DDIAS: variants seen among roughly 807,000 people sequenced by gnomAD.
The protein encoded by DDIAS is DNA damage induced apoptosis suppressor.
In DDIAS, 14 loss-of-function variants were observed where a neutral mutation model predicts 15.7. That is an observed-to-expected ratio of 0.89 (90% CI 0.59 to 1.39). DDIAS has a LOEUF of 1.39. DDIAS is among the 40% of genes most tolerant of loss of function. The pLI is 0.00. For missense variants in DDIAS, 1,035 were observed against 1,130.9 expected (o/e 0.92, Z 1.22); for synonymous variants, 355 against 395.9 (o/e 0.90, Z 1.23).
intron 5 of DDIAS, 107 bp downstream of exon 5, chr11:82,930,381 G>A: frequency 1.3e-6 from 1 of 787,544 alleles, no homozygotes; most frequent in Admixed American, 2.9e-5. Flanking sequence ...GTGAAGGCCT[G>A]TAGAAACACT....
At chr11:82,907,690 C>T (rs2121315356) in intron 1 of DDIAS, among the ~76,000 whole-genome samples, 1 of 152,320 alleles carries the variant, frequency 6.6e-6, no homozygotes, top group East Asian at 1.9e-4. Flanking sequence ...CAAGCATGCA[C>T]CACCATGCCC....
rs200694991 is a variant in DDIAS at position 82,928,955 on chromosome 11, C to T, written c.275+17C>T. 1.9e-5 allele frequency: 30 copies of T among 1,590,136 alleles called. No individual in the cohort carries two copies. The highest frequency in any genetic ancestry group is 2.5e-5 in the Non-Finnish European group (29 of 1,173,856). ...TTTGCACAGGTAAGAATACTTAAAA[C>T]ATCCTTTTTCCTGACTGCCCTTAGA... On this transcript the variant is annotated intron_variant, in intron 4 of 5. Transcript: ENST00000533655.
At chr11:82,927,547 T>A (rs1860887803) in intron 3 of DDIAS, among the ~76,000 whole-genome samples, 1 of 151,184 alleles carries the variant, frequency 6.6e-6, no homozygotes, top group Non-Finnish European at 1.5e-5. Flanking sequence ...CACTCTTTTT[T>A]AAGATCTTTA....
rs146412506 is a variant in DDIAS, at chr11:82,913,510, G to T, written c.-17+124G>T. The stretch of plus-strand genomic sequence containing the variant: ...TCCCCCCACCTCAGTCTCTGAAAGT[G>T]CTGAGATTACAGACATAAGCCACCA... On this transcript the variant is annotated intron_variant, in intron 2 of 5. Transcript: ENST00000533655. 5.2e-3 allele frequency: 1,391 copies of T among 265,334 alleles called. 57 individuals carry two copies. In the Admixed American group the frequency reaches 0.07, roughly 13 times the overall value. The allele number at this position is 265,334 out of a possible 1,614,324, so 16.4% of individuals were successfully genotyped here. A position where few individuals can be genotyped will look rare whatever the true frequency, so the allele number is the denominator to read the frequency against.
Position 82,931,771 on chromosome 11 carries a change from A to G in DDIAS, c.433A>G (p.Asn145Asp), listed in dbSNP as rs767105551. 2 of 1,608,802 alleles carry G rather than the reference A, an allele frequency of 1.2e-6. No individual in the cohort carries two copies. Residue 145 changes from asparagine to aspartate, a missense_variant, in exon 6 of 6, where the codon AAC becomes GAC. Transcript: ENST00000533655. ...ACCTGGACAAGGTTCAGATGCCAGT[A>G]ACTTCTTACAGCAATGCTCTGACCA... ...NQPGQGSDAS[N>D]FLQQCSDHKR...
Position 82,925,143 on chromosome 11 carries a change from CTCT to C in DDIAS, c.114-3629_114-3627del, listed in dbSNP as rs749963219. 2.6e-5 allele frequency among the ~76,000 whole-genome samples: 4 copies of C among 152,258 alleles called. No homozygotes were observed. The South Asian group carries it at 6.2e-4, about 24-fold the overall frequency. On this transcript the variant is annotated intron_variant, in intron 3 of 5. Transcript: ENST00000533655. ...TTGCAAAATGTAAAACAATGCTGGT[CTCT>C]TCTTACTAATTTTTAAAATTTGAAA...
chr11:82,903,236 A>G (rs1565241428), intron 1 of DDIAS, among the ~76,000 whole-genome samples: 1 of 152,240 alleles, frequency 6.6e-6, no homozygotes, highest in East Asian at 1.9e-4. Flanking sequence ...CACCATAAAC[A>G]GGAGATAATG....
rs779156068 is a variant in DDIAS at position 82,934,143 on chromosome 11, T to C, written c.2805T>C (p.His935=). The change falls in exon 6 of 6, where the codon CAT becomes CAC. Residue 935 remains histidine (H), a synonymous_variant. Coordinates refer to ENST00000533655, the MANE Select transcript of DDIAS (RefSeq NM_145018.4). ...LAAVVTKKKT[H]KYNCKSSGWI... is the part of the protein sequence containing the mutation. ...CAGTTGTTACGAAAAAGAAAACTCATAAATATAACTGTAAAAGTTCAGGCT... is the reference window on the plus strand; with the variant it reads ...CAGTTGTTACGAAAAAGAAAACTCACAAATATAACTGTAAAAGTTCAGGCT... 9 of 1,611,908 alleles carry C rather than the reference T, an allele frequency of 5.6e-6. No individual in the cohort carries two copies. The East Asian group carries it at 1.3e-4, about 24-fold the overall frequency.
Position 82,932,228 on chromosome 11 carries a change from GC to G in DDIAS, c.892del (p.Val299PhefsTer24). 1 of 1,613,782 alleles carries G rather than the reference GC, an allele frequency of 6.2e-7. No individual in the cohort carries two copies. The highest frequency in any genetic ancestry group is 8.5e-7 in the Non-Finnish European group (1 of 1,179,924). Reference protein sequence around the residue: ...SCHDPIQDSWSLVSYMDKKST... With the variant: ...SCHDPIQDSWXLVSYMDKKST... Reference sequence around the variant, plus strand: ...CATGATCCCATTCAGGATTCATGGAGCCTTGTTTCATATATGGATAAAAAGA... The same window carrying G: ...CATGATCCCATTCAGGATTCATGGAGCTTGTTTCATATATGGATAAAAAGA... On this transcript the variant is annotated frameshift_variant, in exon 6 of 6. Transcript: ENST00000533655. LOFTEE classifies it low-confidence loss of function (END_TRUNC).
intron 1 of DDIAS, among the ~76,000 whole-genome samples, chr11:82,912,803 T>C (rs1202045423): frequency 6.6e-6 from 1 of 152,222 alleles, no homozygotes; most frequent in African/African-American, 2.4e-5. Context: ...GTTTCTGTCT[T>C]TTATTTTAAA....
chr11:82,926,596 G>A (rs946099794), intron 3 of DDIAS, among the ~76,000 whole-genome samples: 3 of 152,268 alleles, frequency 2.0e-5, no homozygotes, highest in Admixed American at 2.0e-4. Flanking sequence ...CTATATCCTT[G>A]TTTCTCAAAG....
intron 1 of DDIAS, among the ~76,000 whole-genome samples, chr11:82,912,044 C>T (rs1201189008): frequency 6.6e-6 from 1 of 152,154 alleles, no homozygotes; most frequent in Non-Finnish European, 1.5e-5. Context: ...GATGTGCTGT[C>T]ATCCAGGCTT....
intron 3 of DDIAS, among the ~76,000 whole-genome samples, chr11:82,923,361 T>C (rs1345373859): frequency 6.6e-6 from 1 of 152,250 alleles, no homozygotes; most frequent in Non-Finnish European, 1.5e-5. Context: ...CAGAAATTCC[T>C]CATGTTCATT....
chr11:82,914,386 T>C (rs1177848458), intron 2 of DDIAS, among the ~76,000 whole-genome samples: 1 of 152,244 alleles, frequency 6.6e-6, no homozygotes, highest in Non-Finnish European at 1.5e-5. Flanking sequence ...GGTAGTTTCC[T>C]TTGTATTGAT....
At position 82,934,551 on chromosome 11, in the gene DDIAS, C is replaced by A; in HGVS notation, c.*216C>A. ...ATGATTAGGTAGTTGAGCACTTTAT[C>A]TTATACTGTTTATTGTACTTTAATA... On this transcript the variant is annotated 3_prime_UTR_variant, in exon 6 of 6. Transcript: ENST00000533655. The A allele has an allele frequency of 2.2e-6, 1 of 448,852 alleles. No homozygotes were observed. Among genetic ancestry groups the A allele is most frequent in the Non-Finnish European group, 3.9e-6 (1 of 258,368 alleles). The allele number at this position is 448,852 out of a possible 1,614,324, so 27.8% of individuals were successfully genotyped here. A position where few individuals can be genotyped will look rare whatever the true frequency, so the allele number is the denominator to read the frequency against.
At position 82,933,744 on chromosome 11, in the gene DDIAS, T is replaced by C. The variant is rs1385757254; in HGVS notation, c.2406T>C (p.Asp802=). ...AACCTGTATTTTATTCAGATCTTGA[T>C]GGTAACTATGAAAAAATAAGGATTT... is the stretch of plus-strand genomic sequence containing the variant. The part of the protein sequence containing the change: ...FKKPVFYSDL[D]GNYEKIRIFP... The change falls in exon 6 of 6, where the codon GAT becomes GAC. Residue 802 remains aspartate (D), a synonymous_variant. Coordinates refer to ENST00000533655, the MANE Select transcript of DDIAS (RefSeq NM_145018.4). 5.0e-6 allele frequency: 8 copies of C among 1,611,322 alleles called. No homozygotes were observed. Among genetic ancestry groups the C allele is most frequent in the Middle Eastern group, 1.7e-4 (1 of 6,060 alleles).
At chr11:82,919,925 G>C (rs1860711411) in intron 3 of DDIAS, among the ~76,000 whole-genome samples, 1 of 152,096 alleles carries the variant, frequency 6.6e-6, no homozygotes, top group South Asian at 2.1e-4. Context: ...GGGTTTCACG[G>C]TGTTAGCCAG....
Position 82,932,002 on chromosome 11 carries a change from A to G in DDIAS, c.664A>G (p.Ser222Gly), listed in dbSNP as rs1421699273. 6 of 1,614,070 alleles carry G rather than the reference A, an allele frequency of 3.7e-6. No individual in the cohort carries two copies. Among genetic ancestry groups the G allele is most frequent in the Non-Finnish European group, 5.1e-6 (6 of 1,180,042 alleles). Residue 222 changes from serine to glycine, a missense_variant, in exon 6 of 6, where the codon AGC becomes GGC. By Grantham distance (56) the Ser-to-Gly change is moderately conservative. Coordinates refer to ENST00000533655, the MANE Select transcript of DDIAS (RefSeq NM_145018.4). Reference protein sequence around the residue: ...SDLSSIYTSDSTSDFFKSCSK... With the variant: ...SDLSSIYTSDGTSDFFKSCSK... ...TCTCAGCAGCATATATACTTCTGAC[A>G]GCACTTCTGATTTTTTCAAGTCCTG... is the stretch of plus-strand genomic sequence containing the variant.
At chr11:82,917,580 A>G (rs1280033228) in intron 3 of DDIAS, among the ~76,000 whole-genome samples, 1 of 152,154 alleles carries the variant, frequency 6.6e-6, no homozygotes, top group African/African-American at 2.4e-5. Flanking sequence ...ACGATTTTGC[A>G]ATTGTGAACT....
Sources: gnomAD v4.1 joint callset for allele counts (sites outside exome capture counted in the v4.1 genomes callset) on GRCh38, gnomAD v4.1.1 for gene constraint, MANE v1.5 for transcripts, NCBI Gene and HGNC (gene_info 2026-07-23, HGNC 2026-07-21) for gene names.